Variants in SYNDIG1 observed in about 807,000 individuals in gnomAD.
The protein encoded by SYNDIG1 is synapse differentiation-inducing gene protein 1.
In SYNDIG1, 9 loss-of-function variants were observed where a neutral mutation model predicts 19.4. The ratio of observed to expected loss-of-function variants is 0.46; its 90% confidence interval spans 0.28 to 0.81. The LOEUF is 0.81. Among genes scored for constraint, SYNDIG1 ranks in the 30% least tolerant of loss-of-function variants. The pLI is 0.12. For synonymous variants in SYNDIG1, 141 were observed against 145.9 expected (o/e 0.97, Z 0.24); for missense variants, 311 against 343.3 (o/e 0.91, Z 0.74).
At chr20:24,615,266 A>C (rs1247139193) in intron 3 of SYNDIG1, among the ~76,000 whole-genome samples, 1 of 152,160 alleles carries the variant, frequency 6.6e-6, no homozygotes, top group Non-Finnish European at 1.5e-5. Context: ...GGGCCCAGGG[A>C]GGGGTGTTAC....
intron 2 of SYNDIG1, among the ~76,000 whole-genome samples, chr20:24,581,015 G>C (rs906456452): frequency 1.3e-5 from 2 of 152,204 alleles, no homozygotes; most frequent in Admixed American, 6.5e-5. Flanking sequence ...CCATGAGACA[G>C]ACTTAGCAAG....
At chr20:24,603,709 T>C (rs2058712637) in intron 3 of SYNDIG1, among the ~76,000 whole-genome samples, 1 of 152,162 alleles carries the variant, frequency 6.6e-6, no homozygotes, top group South Asian at 2.1e-4. Context: ...GGAGGAGTTG[T>C]CAGAAAGCAG....
At chr20:24,643,069 T>C (rs567195989) in intron 3 of SYNDIG1, among the ~76,000 whole-genome samples, 1 of 152,162 alleles carries the variant, frequency 6.6e-6, no homozygotes, top group Admixed American at 6.5e-5. Flanking sequence ...ATATGCATAA[T>C]TATTTATGTA....
intron 3 of SYNDIG1, among the ~76,000 whole-genome samples, chr20:24,597,584 C>T (rs551484238): frequency 1.3e-5 from 2 of 152,242 alleles, no homozygotes; most frequent in South Asian, 4.1e-4. Context: ...GTGTGATGCA[C>T]TCAGTGTGGT....
intron 3 of SYNDIG1, among the ~76,000 whole-genome samples, chr20:24,657,549 C>G (rs2059539742): frequency 6.6e-6 from 1 of 152,192 alleles, no homozygotes; most frequent in Non-Finnish European, 1.5e-5. Flanking sequence ...TTAGACCTAA[C>G]TAACATCAGA....
intron 1 of SYNDIG1, among the ~76,000 whole-genome samples, chr20:24,529,097 T>G (rs556216015): frequency 2.0e-5 from 3 of 152,338 alleles, no homozygotes; most frequent in African/African-American, 7.2e-5. Context: ...CAAGGCTTTC[T>G]CTTTCTGTCC....
chr20:24,554,735 T>C (rs1429496645), intron 2 of SYNDIG1, among the ~76,000 whole-genome samples: 1 of 151,716 alleles, frequency 6.6e-6, no homozygotes, highest in Non-Finnish European at 1.5e-5. Flanking sequence ...TTTGCATCAA[T>C]GTTCATCAAG....
At chr20:24,469,920 CCCGCGGTAAGTCCGGGTGGTCGCCGCGA>C (rs1372655779) in intron 1 of SYNDIG1, among the ~76,000 whole-genome samples, 167 bp downstream of exon 1, 1 of 151,858 alleles carries the variant, frequency 6.6e-6, no homozygotes, top group Non-Finnish European at 1.5e-5. Context: ...CGGCGTGGCG[CCCGCGGTAAGTCCGGGTGGTCGCCGCGA>C]CGAGACTTGG....
intron 3 of SYNDIG1, among the ~76,000 whole-genome samples, chr20:24,622,627 G>T (rs183805636): frequency 1.3e-5 from 2 of 152,296 alleles, no homozygotes; most frequent in Non-Finnish European, 2.9e-5. Flanking sequence ...AATGCCTGAT[G>T]ACCTGAGATG....
At chr20:24,522,682 GA>G in intron 1 of SYNDIG1, among the ~76,000 whole-genome samples, 1 of 152,100 alleles carries the variant, frequency 6.6e-6, no homozygotes, top group Non-Finnish European at 1.5e-5. Context: ...TGCTGTAAGG[GA>G]ATACCAGAGA....
intron 1 of SYNDIG1, among the ~76,000 whole-genome samples, chr20:24,489,825 G>C (rs1041814414): frequency 9.9e-5 from 15 of 152,252 alleles, no homozygotes; most frequent in African/African-American, 3.6e-4. Context: ...GACTCGAGCA[G>C]CAAGTCAAGA....
At chr20:24,503,476 C>T (rs1286272956) in intron 1 of SYNDIG1, among the ~76,000 whole-genome samples, 9 of 152,138 alleles carry the variant, frequency 5.9e-5, no homozygotes, top group Non-Finnish European at 1.0e-4. Flanking sequence ...AGTGTCCACG[C>T]GGTAAAAATA....
At chr20:24,572,011 T>C (rs991391896) in intron 2 of SYNDIG1, among the ~76,000 whole-genome samples, 3 of 152,236 alleles carry the variant, frequency 2.0e-5, no homozygotes, top group Non-Finnish European at 2.9e-5. Flanking sequence ...ACTTGATTGC[T>C]TCCTTAGGCC....
intron 3 of SYNDIG1, among the ~76,000 whole-genome samples, chr20:24,589,855 C>T (rs930403688): frequency 6.6e-6 from 1 of 152,150 alleles, no homozygotes; most frequent in African/African-American, 2.4e-5. Context: ...TTTTATGGTA[C>T]TGAAAATCTA....
intron 2 of SYNDIG1, among the ~76,000 whole-genome samples, chr20:24,556,266 C>T (rs2057815030): frequency 6.6e-6 from 1 of 152,148 alleles, no homozygotes; most frequent in African/African-American, 2.4e-5. Flanking sequence ...TCCAATTTGC[C>T]AGTCTGTGTC....
chr20:24,516,911 T>C (rs560643739), intron 1 of SYNDIG1, among the ~76,000 whole-genome samples: 4 of 152,142 alleles, frequency 2.6e-5, no homozygotes, highest in Non-Finnish European at 4.4e-5. Flanking sequence ...CAAATGTCCA[T>C]CAATGATAGA....
chr20:24,555,918 CATT>C (rs2057805283), intron 2 of SYNDIG1, among the ~76,000 whole-genome samples: 2 of 152,036 alleles, frequency 1.3e-5, no homozygotes, highest in African/African-American at 4.8e-5. Context: ...TAAAGTCTCC[CATT>C]ATTATTGTGT....
intron 2 of SYNDIG1, among the ~76,000 whole-genome samples, chr20:24,579,073 C>A (rs1203015288): frequency 6.6e-6 from 1 of 152,152 alleles, no homozygotes; most frequent in Non-Finnish European, 1.5e-5. Context: ...CATTCCACAA[C>A]AAACTAAGTA....
At chr20:24,573,378 A>G (rs1600658935) in intron 2 of SYNDIG1, among the ~76,000 whole-genome samples, 1 of 151,620 alleles carries the variant, frequency 6.6e-6, no homozygotes, top group East Asian at 1.9e-4. Flanking sequence ...TGTGATGCCC[A>G]CTCCCTACCC....
Sources: gnomAD v4.1 joint callset for allele counts (sites outside exome capture counted in the v4.1 genomes callset) on GRCh38, gnomAD v4.1.1 for gene constraint, MANE v1.5 for transcripts, NCBI Gene and HGNC (gene_info 2026-07-23, HGNC 2026-07-21) for gene names.